Variants in PPIL4 observed in about 807,000 individuals in gnomAD.
PPIL4 encodes peptidylprolyl isomerase like 4, also known as peptidyl-prolyl cis-trans isomerase-like 4.
A neutral mutation model predicts 69.1 loss-of-function variants in PPIL4; 50 were observed. The ratio of observed to expected loss-of-function variants is 0.72; its 90% confidence interval spans 0.58 to 0.92. The LOEUF is 0.92. Among genes scored for constraint, PPIL4 ranks in the 40% least tolerant of loss-of-function variants. The probability of loss-of-function intolerance (pLI) is 0.00; values close to 1 mark genes in which losing one functional copy is unlikely to be tolerated. For synonymous variants in PPIL4, 193 were observed against 191.6 expected (o/e 1.01, Z -0.06); for missense variants, 480 against 587.9 (o/e 0.82, Z 1.90).
chr6:149,539,934 A>G (rs1025204233), intron 4 of PPIL4, among the ~76,000 whole-genome samples: 1 of 151,910 alleles, frequency 6.6e-6, no homozygotes, highest in African/African-American at 2.4e-5. Context: ...GTTTGAGACC[A>G]GCCTGGCCAA....
At chr6:149,535,380 C>T (rs1777260518) in intron 5 of PPIL4, among the ~76,000 whole-genome samples, 1 of 152,010 alleles carries the variant, frequency 6.6e-6, no homozygotes, top group Non-Finnish European at 1.5e-5. Context: ...TAAATAATTC[C>T]TCCAAACATA....
intron 4 of PPIL4, 89 bp from the exon 5 acceptor site, chr6:149,535,827 A>G (rs1309886914): frequency 2.3e-6 from 2 of 866,028 alleles, no homozygotes; most frequent in Non-Finnish European, 3.5e-6. Flanking sequence ...AATACATGAA[A>G]GTTAAGAGTC....
chr6:149,507,280 G>A (rs1357546787), intron 12 of PPIL4, among the ~76,000 whole-genome samples: 1 of 152,136 alleles, frequency 6.6e-6, no homozygotes, highest in Non-Finnish European at 1.5e-5. Context: ...AGATGTAACA[G>A]GATTGTTATA....
At chr6:149,512,651 TATATAAG>T (rs1776870797) in intron 11 of PPIL4, among the ~76,000 whole-genome samples, 1 of 152,192 alleles carries the variant, frequency 6.6e-6, no homozygotes, top group Non-Finnish European at 1.5e-5. Flanking sequence ...CCAGAAAAGC[TATATAAG>T]ATAACAGGTA....
chr6:149,531,920 G>A (rs1337536466), intron 7 of PPIL4, among the ~76,000 whole-genome samples: 1 of 152,068 alleles, frequency 6.6e-6, no homozygotes, highest in Admixed American at 6.5e-5. Context: ...CACCCGCCTC[G>A]GCCTCCCAAA....
Position 149,535,722 on chromosome 6 carries a change from C to T in PPIL4, c.338G>A (p.Gly113Glu). ...ACCATCAAGATAATCTAGATTTTCT[C>T]CTGTGGTGATAAGAAACTATAAAGA... ...QHGSQFLITT[G>E]ENLDYLDGVH... The change falls in exon 5 of 13, where the codon GGA becomes GAA. Residue 113 changes from glycine (G) to glutamate (E), a missense_variant. By Grantham distance (98) the Gly-to-Glu change is moderately conservative. Transcript: ENST00000253329. 6.2e-7 allele frequency: 1 copy of T among 1,604,500 alleles called. No homozygotes were observed. The highest frequency in any genetic ancestry group is 8.5e-7 in the Non-Finnish European group (1 of 1,173,900).
rs115352034 is a variant in PPIL4, at chr6:149,531,586, C to T, written c.678+1872G>A. Among the ~76,000 whole-genome samples, 251 of 151,674 alleles carry T rather than the reference C, an allele frequency of 1.7e-3. 1 individual carries two copies. Among genetic ancestry groups the T allele is most frequent in the African/African-American group, 5.5e-3 (228 of 41,380 alleles). On this transcript the variant is annotated intron_variant, in intron 7 of 12. Transcript: ENST00000253329. ...AATAAATGCAACAGATGATAAGTCACGAGCTGGATTCTAGTCTGGAGGAGG... is the reference window on the plus strand; with the variant it reads ...AATAAATGCAACAGATGATAAGTCATGAGCTGGATTCTAGTCTGGAGGAGG...
chr6:149,507,103 G>C (rs763702144), intron 12 of PPIL4, among the ~76,000 whole-genome samples: 2 of 152,140 alleles, frequency 1.3e-5, no homozygotes, highest in African/African-American at 2.4e-5. Context: ...AAACTCCCAA[G>C]GGTCTCAACT....
In PPIL4 at chr6:149,535,685, C is replaced by T. The variant is rs1431073530; in HGVS notation, c.375G>A (p.Val125=). 2 of 1,611,426 alleles carry T rather than the reference C, an allele frequency of 1.2e-6. No homozygotes were observed. Among genetic ancestry groups the T allele is most frequent in the African/African-American group, 2.7e-5 (2 of 74,986 alleles). Residue 125 remains valine (V), a synonymous_variant, in exon 5 of 13, where the codon GTG becomes GTA. Coordinates refer to ENST00000253329, the MANE Select transcript of PPIL4 (RefSeq NM_139126.4). The part of the protein sequence containing the change: ...NLDYLDGVHT[V]FGEVTEGMDI... ...CCATGCCTTCTGTCACCTCACCAAACACCGTATGGACACCATCAAGATAAT... is the reference window on the plus strand; with the variant it reads ...CCATGCCTTCTGTCACCTCACCAAATACCGTATGGACACCATCAAGATAAT...
intron 11 of PPIL4, among the ~76,000 whole-genome samples, chr6:149,514,454 T>C (rs189051466): frequency 3.7e-4 from 56 of 152,256 alleles, no homozygotes; most frequent in Admixed American, 1.4e-3. Flanking sequence ...CCCAAGTAGC[T>C]GTGATTACAA....
At chr6:149,543,874 T>C (rs1303273078) in intron 1 of PPIL4, among the ~76,000 whole-genome samples, 1 of 152,256 alleles carries the variant, frequency 6.6e-6, no homozygotes, top group Non-Finnish European at 1.5e-5. Context: ...TGATTCTCTC[T>C]ACATCTGTGT....
intron 1 of PPIL4, among the ~76,000 whole-genome samples, chr6:149,542,124 C>T (rs1459492995): frequency 6.6e-6 from 1 of 151,446 alleles, no homozygotes; most frequent in Non-Finnish European, 1.5e-5. Context: ...TGGGCTAATA[C>T]AGAAAACTGA....
At chr6:149,513,507 TA>T (rs1322076853) in intron 11 of PPIL4, among the ~76,000 whole-genome samples, 4 of 138,590 alleles carry the variant, frequency 2.9e-5, no homozygotes, top group Non-Finnish European at 6.1e-5. Context: ...TATCTAGTAA[TA>T]AAGACATACT....
At chr6:149,513,438 T>TAC (rs1554215993) in intron 11 of PPIL4, among the ~76,000 whole-genome samples, 11,985 of 100,852 alleles carry the variant, frequency 0.12, 1,596 homozygotes, top group East Asian at 0.6. Context: ...TATATATATA[T>TAC]ACATATAAAA....
At chr6:149,513,498 A>G (rs1244556558) in intron 11 of PPIL4, among the ~76,000 whole-genome samples, 1 of 148,162 alleles carries the variant, frequency 6.7e-6, no homozygotes, top group Non-Finnish European at 1.5e-5. Context: ...ACAACAAAAT[A>G]TCTAGTAATA....
intron 10 of PPIL4, among the ~76,000 whole-genome samples, chr6:149,519,616 C>A (rs1777000301): frequency 1.3e-5 from 2 of 152,164 alleles, no homozygotes; most frequent in South Asian, 4.2e-4. Context: ...ATCCAAGTCA[C>A]CCTCTCCTTT....
intron 9 of PPIL4, among the ~76,000 whole-genome samples, chr6:149,523,627 G>T (rs1418957217): frequency 6.6e-6 from 1 of 151,768 alleles, no homozygotes; most frequent in Admixed American, 6.6e-5. Flanking sequence ...GGAGGCGGAG[G>T]TTGCAGTGAG....
intron 9 of PPIL4, among the ~76,000 whole-genome samples, chr6:149,524,933 G>T (rs1583208039): frequency 6.6e-6 from 1 of 151,780 alleles, no homozygotes; most frequent in African/African-American, 2.4e-5. Context: ...ATACTTTCAT[G>T]CAGATTGCAC....
intron 11 of PPIL4, among the ~76,000 whole-genome samples, chr6:149,513,431 A>T (rs1776892045): frequency 7.2e-6 from 1 of 139,708 alleles, no homozygotes; most frequent in Non-Finnish European, 1.5e-5. Flanking sequence ...ATATATATAT[A>T]TATATATACA....
Sources: gnomAD v4.1 joint callset for allele counts (sites outside exome capture counted in the v4.1 genomes callset) on GRCh38, gnomAD v4.1.1 for gene constraint, MANE v1.5 for transcripts, NCBI Gene and HGNC (gene_info 2026-07-23, HGNC 2026-07-21) for gene names.